The following NUP93 variants were observed in gnomAD, a reference collection of about 807,000 sequenced individuals.
NUP93 encodes the protein nuclear pore complex protein Nup93.
A neutral mutation model predicts 107.8 loss-of-function variants in NUP93; 55 were observed. The observed-to-expected ratio is 0.51, with a 90% CI of 0.41 to 0.64. The LOEUF (loss-of-function observed/expected upper bound fraction) is 0.64. Among genes scored for constraint, NUP93 ranks in the 30% least tolerant of loss-of-function variants. The pLI is 0.00. For missense variants in NUP93, 937 were observed against 1,044.7 expected (o/e 0.90, Z 1.42); for synonymous variants, 390 against 397.5 (o/e 0.98, Z 0.22).
chr16:56,788,646 T>G (rs1962682381), intron 3 of NUP93, among the ~76,000 whole-genome samples: 1 of 152,178 alleles, frequency 6.6e-6, no homozygotes, highest in African/African-American at 2.4e-5. Context: ...CCAGGGCCCC[T>G]GAAAAGGGCA....
chr16:56,743,729 G>GCCTTCCTCATCCTTCCACTTCTGT (rs1961776218), intron 1 of NUP93, among the ~76,000 whole-genome samples: 1 of 152,152 alleles, frequency 6.6e-6, no homozygotes, highest in African/African-American at 2.4e-5. Flanking sequence ...CCCCCTTGAA[G>GCCTTCCTCATCCTTCCACTTCTGT]CCTTCCTCAT....
intron 8 of NUP93, 60 bp from the exon 9 acceptor site, chr16:56,828,917 A>G: frequency 1.9e-6 from 3 of 1,555,646 alleles, no homozygotes; most frequent in Non-Finnish European, 2.7e-6. Context: ...GGATATGGGC[A>G]TAGAGATGTG....
At position 56,841,101 on chromosome 16, in the gene NUP93, G is replaced by T. The variant is rs561473858; in HGVS notation, c.2221-604G>T. On this transcript the variant is annotated intron_variant, in intron 20 of 21. Coordinates refer to ENST00000308159, the MANE Select transcript of NUP93 (RefSeq NM_014669.5). ...TGGTACACACAGTTCAGAAGGTCTTGCCCCTTGCTGACCTTCCCTTTATAC... is the reference window on the plus strand; with the variant it reads ...TGGTACACACAGTTCAGAAGGTCTTTCCCCTTGCTGACCTTCCCTTTATAC... 1.0e-3 allele frequency among the ~76,000 whole-genome samples: 153 copies of T among 152,226 alleles called. 1 individual carries two copies. In the South Asian group the frequency reaches 0.03, roughly 30 times the overall value.
At chr16:56,820,290 G>A (rs1222095168) in intron 6 of NUP93, among the ~76,000 whole-genome samples, 2 of 152,224 alleles carry the variant, frequency 1.3e-5, no homozygotes, top group Non-Finnish European at 1.5e-5. Flanking sequence ...CTACGTCATG[G>A]TTTAAAACCA....
At position 56,831,902 on chromosome 16, in the gene NUP93, T is replaced by C; in HGVS notation, c.1146T>C (p.Asn382=). Residue 382 remains asparagine (N), a synonymous_variant, in exon 11 of 22, where the codon AAT becomes AAC. Transcript: ENST00000308159. ...RLHYRRALRN[N]TDPYKRAVYC... ...ATTACCGTAGGGCCCTCAGGAACAA[T>C]ACAGATCCCTACAAGCGGGCCGTGT... The C allele has an allele frequency of 6.2e-7, 1 of 1,614,080 alleles. No homozygotes were observed. Among genetic ancestry groups the C allele is most frequent in the Non-Finnish European group, 8.5e-7 (1 of 1,180,010 alleles).
At chr16:56,844,124 A>G (rs1387756911) in intron 21 of NUP93, among the ~76,000 whole-genome samples, 4 of 152,212 alleles carry the variant, frequency 2.6e-5, no homozygotes, top group Non-Finnish European at 4.4e-5. Flanking sequence ...GTGAAAGCAG[A>G]TGGACAGAAA....
chr16:56,821,512 C>G lies in NUP93; in HGVS notation c.573C>G (p.Ile191Met). 2 of 1,605,302 alleles carry G rather than the reference C, an allele frequency of 1.2e-6. No homozygotes were observed. The highest frequency in any genetic ancestry group is 2.2e-5 in the South Asian group (2 of 90,868). Residue 191 changes from isoleucine to methionine, a missense_variant, in exon 7 of 22, where the codon ATC becomes ATG. Physicochemically the swap from Ile to Met is conservative, Grantham distance 10. Transcript: ENST00000308159. ...IEMAYARQIY[I>M]YNEKIVNGHL... Reference sequence around the variant, plus strand: ...GCTTTTTATCATTTCAGATTTATATCTATAATGAGAAAATTGTAAATGGAC... The same window carrying G: ...GCTTTTTATCATTTCAGATTTATATGTATAATGAGAAAATTGTAAATGGAC...
At position 56,805,629 on chromosome 16, in the gene NUP93, C is replaced by T. The variant is rs1404832018; in HGVS notation, c.486C>T (p.Ser162=). The T allele has an allele frequency of 5.6e-6, 9 of 1,612,798 alleles. No individual in the cohort carries two copies. Among genetic ancestry groups the T allele is most frequent in the Admixed American group, 1.7e-5 (1 of 59,954 alleles). The stretch of plus-strand genomic sequence containing the variant: ...ACGCCCTTGACTTTACTCAAGAAAG[C>T]GAGGTAGCTTGAATGCAAAAGATAA... ...GEDALDFTQE[S]EPSYISDVGP... is the part of the protein sequence containing the mutation. The change falls in exon 5 of 22, where the codon AGC becomes AGT. Residue 162 remains serine, a synonymous_variant. Coordinates refer to ENST00000308159, the MANE Select transcript of NUP93 (RefSeq NM_014669.5).
At chr16:56,808,856 A>G (rs1161643002) in intron 5 of NUP93, among the ~76,000 whole-genome samples, 1 of 148,470 alleles carries the variant, frequency 6.7e-6, no homozygotes, top group Non-Finnish European at 1.5e-5. Flanking sequence ...ACATATATAT[A>G]TGCAGTGTGG....
chr16:56,748,182 T>C, intron 1 of NUP93, 52 bp from the exon 2 acceptor site: 1 of 1,327,012 alleles, frequency 7.5e-7, no homozygotes, highest in Non-Finnish European at 1.0e-6. Context: ...AGGCAGTGTT[T>C]GAAACCTGTC....
chr16:56,809,780 A>G (rs1023005233), intron 5 of NUP93, among the ~76,000 whole-genome samples: 1 of 152,186 alleles, frequency 6.6e-6, no homozygotes, highest in Non-Finnish European at 1.5e-5. Context: ...CCCCAAATAA[A>G]CAGATGCCAA....
chr16:56,838,005 A>T (rs527562938), intron 18 of NUP93, among the ~76,000 whole-genome samples: 1 of 152,360 alleles, frequency 6.6e-6, no homozygotes, highest in African/African-American at 2.4e-5. Flanking sequence ...AATTTTAAGC[A>T]TTATGCTCGC....
intron 7 of NUP93, among the ~76,000 whole-genome samples, chr16:56,822,137 G>A (rs1963557785): frequency 6.6e-6 from 1 of 150,994 alleles, no homozygotes; most frequent in Non-Finnish European, 1.5e-5. Flanking sequence ...TGACTACTTG[G>A]TGGGTGGCTA....
intron 3 of NUP93, among the ~76,000 whole-genome samples, chr16:56,768,698 C>G (rs1460443386): frequency 6.7e-6 from 1 of 148,244 alleles, no homozygotes; most frequent in Non-Finnish European, 1.5e-5. Context: ...AACCCTGTCT[C>G]TACTAAAAAA....
At position 56,760,968 on chromosome 16, in the gene NUP93, C is replaced by CA. The variant is rs561130535; in HGVS notation, c.297+2322dup. On this transcript the variant is annotated intron_variant, in intron 3 of 21. Transcript: ENST00000308159. ...AGCAAGACCCTGTCTCAAAAAAAAC[C>CA]AAAAAAAAACCCAGAAACAACTCAC... Among the ~76,000 whole-genome samples the CA allele has an allele frequency of 2.8e-3, 416 of 149,520 alleles. 3 individuals are homozygous for CA. The highest frequency in any genetic ancestry group is 4.9e-3 in the South Asian group (23 of 4,738).
At chr16:56,798,927 A>AT (rs1446483266) in intron 4 of NUP93, among the ~76,000 whole-genome samples, 1 of 151,368 alleles carries the variant, frequency 6.6e-6, no homozygotes, top group Non-Finnish European at 1.5e-5. Context: ...GGAGTGTGGG[A>AT]TCTGGAAGCT....
In NUP93 at chr16:56,849,464, A is replaced by C. The variant is rs1414523465; in HGVS notation, c.*4855A>C. 1 of 152,256 alleles carries C rather than the reference A, an allele frequency of 6.6e-6. No homozygotes were observed. Among genetic ancestry groups the C allele is most frequent in the Non-Finnish European group, 1.5e-5 (1 of 68,086 alleles). 9.4% of individuals were successfully genotyped at this position (152,256 alleles called of 1,614,324 possible). A position where few individuals can be genotyped will look rare whatever the true frequency, so the allele number is the denominator to read the frequency against. ...GAGGGCAAAAAAGTTTGCCCCAGAC[A>C]CTGGCTTCTGTTTGAACAGGAAGTG... On this transcript the variant is annotated 3_prime_UTR_variant, in exon 22 of 22. Transcript: ENST00000308159.
Position 56,833,204 on chromosome 16 carries a change from C to CTCTCT in NUP93, c.1346-10_1346-6dup, listed in dbSNP as rs745865768. On this transcript the variant is annotated splice_polypyrimidine_tract_variant and intron_variant, in intron 12 of 21. Coordinates refer to ENST00000308159, the MANE Select transcript of NUP93 (RefSeq NM_014669.5). Reference sequence around the variant, plus strand: ...AGTTGGTTTTATCTCCTCTCCTCTCCTCTCTCCCAGGCGAGTCCCACTTTA... The same window carrying CTCTCT: ...AGTTGGTTTTATCTCCTCTCCTCTCCTCTCTTCTCTCCCAGGCGAGTCCCACTTTA... 6.3e-7 allele frequency: 1 copy of CTCTCT among 1,591,802 alleles called. No individual in the cohort carries two copies. Among genetic ancestry groups the CTCTCT allele is most frequent in the Non-Finnish European group, 8.5e-7 (1 of 1,172,486 alleles).
chr16:56,832,983 T>C (rs1963826692), intron 12 of NUP93, among the ~76,000 whole-genome samples: 1 of 152,212 alleles, frequency 6.6e-6, no homozygotes, highest in East Asian at 1.9e-4. Flanking sequence ...TACAGCACAG[T>C]CACAGTTTCC....
Sources: allele counts gnomAD v4.1 joint callset (sites outside exome capture counted in the v4.1 genomes callset), GRCh38; gene constraint gnomAD v4.1.1; transcripts MANE v1.5; gene names NCBI Gene and HGNC (gene_info 2026-07-23, HGNC 2026-07-21).